Variants in SLIT3 observed in about 807,000 individuals in gnomAD.
The protein encoded by SLIT3 is slit homolog 3 protein.
Under a neutral mutation model 184.0 loss-of-function variants are expected in SLIT3, and 68 were observed. That is an observed-to-expected ratio of 0.37 (90% CI 0.30 to 0.45). SLIT3 has a LOEUF of 0.45. Among genes scored for constraint, SLIT3 ranks in the 20% least tolerant of loss-of-function variants. SLIT3 has a pLI of 1.00. For synonymous variants in SLIT3, 831 were observed against 828.6 expected (o/e 1.00, Z -0.05); for missense variants, 1,707 against 2,026.0 (o/e 0.84, Z 3.02).
chr5:168,940,239 C>T (rs1026638199), intron 4 of SLIT3, among the ~76,000 whole-genome samples: 15 of 152,128 alleles, frequency 9.9e-5, no homozygotes, highest in African/African-American at 3.4e-4. Context: ...CAGCCCAGGG[C>T]TTAAGAACAA....
chr5:169,271,269 G>A (rs1190966438), intron 1 of SLIT3, among the ~76,000 whole-genome samples: 2 of 152,182 alleles, frequency 1.3e-5, no homozygotes, highest in Admixed American at 6.5e-5. Flanking sequence ...CTTCGAATAA[G>A]CTATAGGGGG....
chr5:168,664,934 A>G lies in SLIT3; in HGVS notation c.*1520T>C, dbSNP rs1005796243. The G allele has an allele frequency of 3.3e-5, 5 of 152,272 alleles. No homozygotes were observed. Among genetic ancestry groups the G allele is most frequent in the African/African-American group, 1.2e-4 (5 of 41,458 alleles). 9.4% of individuals were successfully genotyped at this position (152,272 alleles called of 1,614,324 possible). A position where few individuals can be genotyped will look rare whatever the true frequency, so the allele number is the denominator to read the frequency against. On this transcript the variant is annotated 3_prime_UTR_variant, in exon 36 of 36. Transcript: ENST00000519560. ...AGATGCATAAGCCCTGGTCTCCAGA[A>G]TCTTTCCAGATACTGCGGAGGGAGA... is the stretch of plus-strand genomic sequence containing the variant.
intron 1 of SLIT3, among the ~76,000 whole-genome samples, chr5:169,275,913 C>T (rs934591213): frequency 3.3e-5 from 5 of 152,072 alleles, no homozygotes; most frequent in African/African-American, 1.2e-4. Context: ...GTGGACCCTG[C>T]AGCAGATAAG....
intron 4 of SLIT3, among the ~76,000 whole-genome samples, chr5:169,025,840 T>A (rs2113506089): frequency 6.6e-6 from 1 of 152,262 alleles, no homozygotes; most frequent in East Asian, 1.9e-4. Flanking sequence ...TAAATAAGGC[T>A]CCCAGGGCCT....
chr5:168,940,700 A>G (rs1019886847), intron 4 of SLIT3, among the ~76,000 whole-genome samples: 5 of 152,204 alleles, frequency 3.3e-5, no homozygotes, highest in African/African-American at 1.2e-4. Context: ...TCTTCCAGAT[A>G]TTAAATCTGG....
At chr5:168,761,297 C>T (rs1227170031) in intron 15 of SLIT3, among the ~76,000 whole-genome samples, 1 of 152,138 alleles carries the variant, frequency 6.6e-6, no homozygotes, top group East Asian at 1.9e-4. Context: ...CAGGGTCTCC[C>T]AACCCTCCAA....
intron 4 of SLIT3, among the ~76,000 whole-genome samples, chr5:168,915,749 T>C (rs532270568): frequency 7.2e-5 from 11 of 152,134 alleles, no homozygotes; most frequent in Non-Finnish European, 1.3e-4. Context: ...ATCAGCTACA[T>C]GTGTCCAGAG....
chr5:168,922,719 G>C (rs1315427002), intron 4 of SLIT3, among the ~76,000 whole-genome samples: 1 of 152,142 alleles, frequency 6.6e-6, no homozygotes, highest in African/African-American at 2.4e-5. Context: ...CAGGAACAGA[G>C]CTTCATGAAG....
chr5:169,246,616 C>T (rs895514317), intron 2 of SLIT3, among the ~76,000 whole-genome samples: 3 of 152,128 alleles, frequency 2.0e-5, no homozygotes, highest in African/African-American at 7.2e-5. Context: ...TTCTGCTATA[C>T]AATTAGAGGC....
intron 4 of SLIT3, among the ~76,000 whole-genome samples, chr5:169,184,825 C>T (rs1385397575): frequency 2.6e-5 from 4 of 152,182 alleles, no homozygotes; most frequent in Admixed American, 2.6e-4. Context: ...AGGTCGTGTT[C>T]CAGACTTACA....
intron 4 of SLIT3, among the ~76,000 whole-genome samples, chr5:168,952,161 T>C (rs1006737818): frequency 6.6e-6 from 1 of 152,190 alleles, no homozygotes; most frequent in Non-Finnish European, 1.5e-5. Context: ...TGGGGCCGCC[T>C]GTAATATTTT....
intron 35 of SLIT3, among the ~76,000 whole-genome samples, chr5:168,667,352 A>G (rs555149539): frequency 6.6e-6 from 1 of 152,252 alleles, no homozygotes; most frequent in Non-Finnish European, 1.5e-5. Flanking sequence ...AACATACAGT[A>G]TATGTTTTTG....
At chr5:169,061,737 C>T (rs1404909664) in intron 4 of SLIT3, among the ~76,000 whole-genome samples, 2 of 152,208 alleles carry the variant, frequency 1.3e-5, no homozygotes, top group Non-Finnish European at 2.9e-5. Context: ...AAGCCAGCAT[C>T]GCTGGGATGC....
rs11286218 is a variant in SLIT3, at chr5:168,897,895, A to AC, written c.414-14560dup. ...TCAGCCCAGCCTTGTCCTCTGAGACACCCCCCCACCTTTGCATCCAGCCAG... is the reference window on the plus strand; with the variant it reads ...TCAGCCCAGCCTTGTCCTCTGAGACACCCCCCCCACCTTTGCATCCAGCCAG... On this transcript the variant is annotated intron_variant, in intron 4 of 35. Coordinates refer to ENST00000519560, the MANE Select transcript of SLIT3 (RefSeq NM_003062.4). Among the ~76,000 whole-genome samples the AC allele has an allele frequency of 3.3e-5, 5 of 151,466 alleles. No individual in the cohort carries two copies. The South Asian group carries it at 6.3e-4, about 19-fold the overall frequency.
At chr5:168,819,062 G>A (rs1178425428) in intron 7 of SLIT3, among the ~76,000 whole-genome samples, 1 of 152,200 alleles carries the variant, frequency 6.6e-6, no homozygotes, top group African/African-American at 2.4e-5. Flanking sequence ...AGGCTCCTGG[G>A]CCCAAGATAC....
intron 4 of SLIT3, among the ~76,000 whole-genome samples, chr5:168,921,829 T>C (rs961420481): frequency 1.3e-5 from 2 of 152,118 alleles, no homozygotes; most frequent in African/African-American, 4.8e-5. Context: ...CAAATTAAAT[T>C]AGAACAAAAA....
chr5:168,836,362 C>T (rs2113698163), intron 6 of SLIT3, among the ~76,000 whole-genome samples: 1 of 152,288 alleles, frequency 6.6e-6, no homozygotes, highest in South Asian at 2.1e-4. Flanking sequence ...ACCAAAGCCC[C>T]TGCTGGGAGC....
At chr5:169,206,154 T>C (rs1764060589) in intron 3 of SLIT3, among the ~76,000 whole-genome samples, 1 of 152,230 alleles carries the variant, frequency 6.6e-6, no homozygotes, top group Non-Finnish European at 1.5e-5. Context: ...GAAGAGGGAC[T>C]GAGAATGCGT....
intron 4 of SLIT3, among the ~76,000 whole-genome samples, chr5:169,031,053 C>G (rs1757008822): frequency 6.6e-6 from 1 of 152,158 alleles, no homozygotes; most frequent in African/African-American, 2.4e-5. Context: ...CCTGACAGGT[C>G]CTCATTTCCT....
Sources: gnomAD v4.1 joint callset for allele counts (sites outside exome capture counted in the v4.1 genomes callset) on GRCh38, gnomAD v4.1.1 for gene constraint, MANE v1.5 for transcripts, NCBI Gene and HGNC (gene_info 2026-07-23, HGNC 2026-07-21) for gene names.